PTPN23: variants seen among roughly 807,000 people sequenced by gnomAD.
PTPN23 encodes tyrosine-protein phosphatase non-receptor type 23.
PTPN23 carries 72 observed loss-of-function variants against 156.3 expected under a neutral mutation model. That is an observed-to-expected ratio of 0.46 (90% CI 0.38 to 0.56). The LOEUF (loss-of-function observed/expected upper bound fraction) is 0.56. Ranked by LOEUF, PTPN23 falls within the 20% of genes least tolerant of loss-of-function variation. The pLI, the probability that PTPN23 is intolerant of heterozygous loss-of-function variation, is 0.00. For missense variants in PTPN23, 1,974 were observed against 2,171.5 expected, an observed-to-expected ratio of 0.91 and a Z score of 1.81; for synonymous variants, 957 against 899.6, an observed-to-expected ratio of 1.06 and a Z score of -1.14.
At chr3:47,382,680 C>CTTTTCTTTTT (rs1704570021) in intron 1 of PTPN23, among the ~76,000 whole-genome samples, 1 of 58,646 alleles carries the variant, frequency 1.7e-5, no homozygotes, top group Non-Finnish European at 3.2e-5. Context: ...TTTTTCTTTT[C>CTTTTCTTTTT]TTTTTTTTTT....
Position 47,410,076 on chromosome 3 carries a change from G to T in PTPN23, c.2278G>T (p.Asp760Tyr), listed in dbSNP as rs1219918044. The T allele has an allele frequency of 1.2e-6, 2 of 1,611,476 alleles. No homozygotes were observed. The highest frequency in any genetic ancestry group is 1.7e-6 in the Non-Finnish European group (2 of 1,178,996). The change falls in exon 20 of 25, where the codon GAC becomes TAC. Residue 760 changes from aspartate (D) to tyrosine (Y), a missense_variant. Transcript: ENST00000265562. Reference protein sequence around the residue: ...PDMVAGPRLPDTFLGSATPLH... With the variant: ...PDMVAGPRLPYTFLGSATPLH... ...CATGGTGGCTGGCCCACGACTGCCT[G>T]ACACCTTCCTGGGAAGTGCCACCCC... is the stretch of plus-strand genomic sequence containing the variant.
In PTPN23 at chr3:47,405,267, CCTCTGCTGGGGCGAGG is replaced by C. The variant is rs1476155760; in HGVS notation, c.364+191_364+206del. ...TTTTCTGGGCTGGGCCCGTGGGGAG[CCTCTGCTGGGGCGAGG>C]CTCTACTGGGCTGGCTGCCACACAG... On this transcript the variant is annotated intron_variant, in intron 4 of 24. Transcript: ENST00000265562. The surrounding 1 kb of genome is among the most constrained non-coding windows in gnomAD (Gnocchi z 4.7). 1.6e-6 allele frequency: 1 copy of C among 622,986 alleles called. No individual in the cohort carries two copies. The highest frequency in any genetic ancestry group is 1.8e-5 in the African/African-American group (1 of 54,672). The allele number at this position is 622,986 out of a possible 1,614,324, so 38.6% of individuals were successfully genotyped here.
chr3:47,400,005 T>A (rs549945865), intron 2 of PTPN23, among the ~76,000 whole-genome samples: 5 of 152,098 alleles, frequency 3.3e-5, no homozygotes, highest in Admixed American at 6.5e-5. Flanking sequence ...AGACATGGAG[T>A]CTCGTATATT....
chr3:47,390,320 T>C (rs1169427408), intron 1 of PTPN23, among the ~76,000 whole-genome samples: 2 of 152,210 alleles, frequency 1.3e-5, no homozygotes, highest in Non-Finnish European at 2.9e-5. Context: ...TCCTTTCTTT[T>C]CTTTTTCCCC....
intron 2 of PTPN23, among the ~76,000 whole-genome samples, chr3:47,403,233 T>C (rs1484186519): frequency 6.6e-6 from 1 of 151,946 alleles, no homozygotes; most frequent in African/African-American, 2.4e-5. Context: ...TTTGTATTTT[T>C]AGTAGAGACG....
At position 47,407,329 on chromosome 3, in the gene PTPN23, A is replaced by G. The variant is rs775396593; in HGVS notation, c.885A>G (p.Gln295=). The G allele has an allele frequency of 6.2e-6, 10 of 1,613,866 alleles. No individual in the cohort carries two copies. The East Asian group carries it at 1.8e-4, about 29-fold the overall frequency. The change falls in exon 11 of 25, where the codon CAA becomes CAG. Residue 295 remains glutamine (Q), a synonymous_variant. Coordinates refer to ENST00000265562, the MANE Select transcript of PTPN23 (RefSeq NM_015466.4). This position sits in a 1 kb window ranked among gnomAD's most constrained non-coding sequence, Gnocchi z 4.0. The stretch of plus-strand genomic sequence containing the variant: ...CACAGGGCCAGCCTGACACTGTGCA[A>G]GACGCGCTTCGCTTCACTATGGATG... ...KLAKGQPDTV[Q]DALRFTMDVI...
chr3:47,402,762 A>G (rs1306095767), intron 2 of PTPN23, among the ~76,000 whole-genome samples: 4 of 151,620 alleles, frequency 2.6e-5, no homozygotes, highest in African/African-American at 7.3e-5. Context: ...CTGGAGTGCA[A>G]TGGCATGATC....
rs994906360 is a variant in PTPN23, at chr3:47,410,237, G to A, written c.2439G>A (p.Met813Ile). 4 of 1,611,142 alleles carry A rather than the reference G, an allele frequency of 2.5e-6. No homozygotes were observed. In the African/African-American group the frequency reaches 5.3e-5, roughly 22 times the overall value. Reference protein sequence around the residue: ...IQPRAPGPHAMPVAPGPALYP... With the variant: ...IQPRAPGPHAIPVAPGPALYP... The stretch of plus-strand genomic sequence containing the variant: ...CCAGGGCCCCAGGGCCCCATGCAAT[G>A]CCCGTAGCACCTGGGCCTGCCCTCT... The change falls in exon 20 of 25, where the codon ATG becomes ATA. Residue 813 changes from methionine to isoleucine, a missense_variant. By Grantham distance (10) the Met-to-Ile change is conservative. Coordinates refer to ENST00000265562, the MANE Select transcript of PTPN23 (RefSeq NM_015466.4).
At chr3:47,388,705 C>T (rs1454267767) in intron 1 of PTPN23, among the ~76,000 whole-genome samples, 4 of 142,116 alleles carry the variant, frequency 2.8e-5, no homozygotes, top group Non-Finnish European at 6.0e-5. Context: ...CGCCTTGTCA[C>T]GCAGGCTAGA....
rs1705344883 is a variant in PTPN23 at position 47,412,600 on chromosome 3, C to G, written c.4404C>G (p.Pro1468=). Residue 1468 remains proline, a synonymous_variant, in exon 24 of 25, where the codon CCC becomes CCG. Coordinates refer to ENST00000265562, the MANE Select transcript of PTPN23 (RefSeq NM_015466.4). The part of the protein sequence containing the change: ...QRHGVPPPCK[P]LASASISQKN... ...ATGGTGTGCCTCCTCCATGCAAACC[C>G]TTGGCCAGTGCAAGCATCAGCCAGA... The G allele has an allele frequency of 1.9e-6, 3 of 1,613,690 alleles. No individual in the cohort carries two copies. Among genetic ancestry groups the G allele is most frequent in the Non-Finnish European group, 2.5e-6 (3 of 1,179,956 alleles).
Position 47,412,751 on chromosome 3 carries a change from G to A in PTPN23, c.4477G>A (p.Val1493Met), listed in dbSNP as rs1262690012. 1.2e-6 allele frequency: 2 copies of A among 1,608,188 alleles called. No individual in the cohort carries two copies. The highest frequency in any genetic ancestry group is 1.7e-6 in the Non-Finnish European group (2 of 1,176,192). The change falls in exon 25 of 25, where the codon GTG becomes ATG. Residue 1493 changes from valine to methionine, a missense_variant. Physicochemically the swap from Val to Met is conservative, Grantham distance 21 (BLOSUM62 1). Coordinates refer to ENST00000265562, the MANE Select transcript of PTPN23 (RefSeq NM_015466.4). Reference protein sequence around the residue: ...DSQDLVLGGDVPISSIQATIA... With the variant: ...DSQDLVLGGDMPISSIQATIA... Reference sequence around the variant, plus strand: ...CCAGGACCTGGTCCTCGGTGGGGATGTGCCCATCAGCTCCATCCAGGCCAC... The same window carrying A: ...CCAGGACCTGGTCCTCGGTGGGGATATGCCCATCAGCTCCATCCAGGCCAC...
In PTPN23 at chr3:47,410,505, C is replaced by A. The variant is rs1233090981; in HGVS notation, c.2707C>A (p.Pro903Thr). The A allele has an allele frequency of 5.6e-6, 9 of 1,607,304 alleles. No individual in the cohort carries two copies. The highest frequency in any genetic ancestry group is 7.6e-6 in the Non-Finnish European group (9 of 1,176,926). Residue 903 changes from proline to threonine, a missense_variant, in exon 20 of 25, where the codon CCT becomes ACT. Physicochemically the swap from Pro to Thr is conservative, Grantham distance 38 (BLOSUM62 -1). Around this residue, in one of 4 missense-constraint regions of PTPN23, gnomAD observed 731 missense variants for 669.1 expected, o/e 1.09. Coordinates refer to ENST00000265562, the MANE Select transcript of PTPN23 (RefSeq NM_015466.4). ...CACAGCCCCACGGCCAAACCCCACC[C>A]CTGCTCCTCCCCCGCCCTGCTTCCC... Reference protein sequence around the residue: ...SHTAPRPNPTPAPPPPCFPVP... With the variant: ...SHTAPRPNPTTAPPPPCFPVP...
At position 47,405,735 on chromosome 3, in the gene PTPN23, C is replaced by A; in HGVS notation, c.365-14C>A. On this transcript the variant is annotated splice_polypyrimidine_tract_variant and intron_variant, in intron 4 of 24. Coordinates refer to ENST00000265562, the MANE Select transcript of PTPN23 (RefSeq NM_015466.4). This position sits in a 1 kb window ranked among gnomAD's most constrained non-coding sequence, Gnocchi z 4.7. ...GCAGCCCCAGGCCCCTAACACTGTC[C>A]CCTCCCTCCCCAGGAGCGCTGCACT... 6.3e-7 allele frequency: 1 copy of A among 1,598,782 alleles called. No homozygotes were observed. Among genetic ancestry groups the A allele is most frequent in the Non-Finnish European group, 8.5e-7 (1 of 1,173,664 alleles).
chr3:47,413,273 A>AGTCT lies in PTPN23; in HGVS notation c.*89_*92dup, dbSNP rs1705377757. On this transcript the variant is annotated 3_prime_UTR_variant, in exon 25 of 25. Transcript: ENST00000265562. Reference sequence around the variant, plus strand: ...CCCAGCAGAGCTTCTCAGTGGGCACAGTCTCTTACTCCCATTTCTGCTGCC... The same window carrying AGTCT: ...CCCAGCAGAGCTTCTCAGTGGGCACAGTCTGTCTCTTACTCCCATTTCTGCTGCC... The AGTCT allele has an allele frequency of 1.1e-5, 17 of 1,498,260 alleles. No homozygotes were observed. The highest frequency in any genetic ancestry group is 9.0e-5 in the South Asian group (7 of 78,170). The allele number at this position is 1,498,260 out of a possible 1,614,324, so 92.8% of individuals were successfully genotyped here. A position where few individuals can be genotyped will look rare whatever the true frequency, so the allele number is the denominator to read the frequency against.
chr3:47,397,106 C>T (rs1238706324), intron 2 of PTPN23, among the ~76,000 whole-genome samples: 2 of 152,154 alleles, frequency 1.3e-5, no homozygotes, highest in Non-Finnish European at 2.9e-5. Flanking sequence ...AGTGAGAACA[C>T]ACGGAACATT....
At chr3:47,395,676 C>A (rs989644839) in intron 1 of PTPN23, among the ~76,000 whole-genome samples, 2 of 152,192 alleles carry the variant, frequency 1.3e-5, no homozygotes, top group Non-Finnish European at 2.9e-5. Flanking sequence ...GCTGTCCTTT[C>A]CCAGGCCAGG....
Position 47,410,164 on chromosome 3 carries a change from G to A in PTPN23, c.2366G>A (p.Gly789Asp), listed in dbSNP as rs778755783. ...STGPGPHYLS[G>D]PLPPGTYSGP... ...GGCCCAGGACCCCACTATCTCTCAGGCCCCTTGCCCCCTGGTACCTACTCG... is the reference window on the plus strand; with the variant it reads ...GGCCCAGGACCCCACTATCTCTCAGACCCCTTGCCCCCTGGTACCTACTCG... Residue 789 changes from glycine to aspartate, a missense_variant, in exon 20 of 25, where the codon GGC becomes GAC. This residue lies in a region of PTPN23 where 731 missense variants were observed against 669.1 expected (regional missense o/e 1.09). Coordinates refer to ENST00000265562, the MANE Select transcript of PTPN23 (RefSeq NM_015466.4). 2 of 1,593,506 alleles carry A rather than the reference G, an allele frequency of 1.3e-6. No individual in the cohort carries two copies. The highest frequency in any genetic ancestry group is 1.7e-6 in the Non-Finnish European group (2 of 1,169,028).
At position 47,381,245 on chromosome 3, in the gene PTPN23, GCC is replaced by G; in HGVS notation, c.84+70_84+71del. ...TCTCCGTCGTCTGCAAGCGCGTGACGCCCCCCTGCGCGCCCATCACCTCCTCA... is the reference window on the plus strand; with the variant it reads ...TCTCCGTCGTCTGCAAGCGCGTGACGCCCCTGCGCGCCCATCACCTCCTCA... On this transcript the variant is annotated intron_variant, in intron 1 of 24. Transcript: ENST00000265562. 2.6e-6 allele frequency: 4 copies of G among 1,538,274 alleles called. No individual in the cohort carries two copies. The South Asian group carries it at 3.6e-5, about 14-fold the overall frequency.
chr3:47,407,382 G>A lies in PTPN23; in HGVS notation c.923+15G>A, dbSNP rs1185923467. On this transcript the variant is annotated intron_variant, in intron 11 of 24. Coordinates refer to ENST00000265562, the MANE Select transcript of PTPN23 (RefSeq NM_015466.4). The surrounding 1 kb of genome is among the most constrained non-coding windows in gnomAD (Gnocchi z 4.0). ...ATTGGGGGAAAGTGAGTCTGTGGGG[G>A]TGGCCCTGGTTCCCTCTTTTTGTGA... 6.2e-7 allele frequency: 1 copy of A among 1,613,712 alleles called. No individual in the cohort carries two copies. Among genetic ancestry groups the A allele is most frequent in the South Asian group, 1.1e-5 (1 of 91,036 alleles).
Sources: gnomAD v4.1 joint callset for allele counts (sites outside exome capture counted in the v4.1 genomes callset) on GRCh38, gnomAD v4.1.1 for gene constraint, gnomAD v4.1.1 regional missense constraint, Gnocchi (gnomAD v3.1) non-coding constraint, MANE v1.5 for transcripts, NCBI Gene and HGNC (gene_info 2026-07-23, HGNC 2026-07-21) for gene names.